The following NNT variants were observed in gnomAD, a reference collection of about 807,000 sequenced individuals.
The protein encoded by NNT is NAD(P) transhydrogenase, mitochondrial.
Under a neutral mutation model 104.8 loss-of-function variants are expected in NNT, and 50 were observed. That is an observed-to-expected ratio of 0.48 (90% confidence interval 0.38 to 0.60). NNT has a LOEUF of 0.60. Ranked by LOEUF, NNT falls within the 20% of genes least tolerant of loss-of-function variation. The probability of loss-of-function intolerance (pLI) is 0.00; values close to 1 mark genes in which losing one functional copy is unlikely to be tolerated. For synonymous variants in NNT, 461 were observed against 490.4 expected, an observed-to-expected ratio of 0.94 and a Z score of 0.79; for missense variants, 1,131 against 1,330.7, an observed-to-expected ratio of 0.85 and a Z score of 2.33.
chr5:43,661,700 G>A (rs1293122775), intron 17 of NNT, among the ~76,000 whole-genome samples: 3 of 151,352 alleles, frequency 2.0e-5, no homozygotes, highest in African/African-American at 7.3e-5. Context: ...TGAGAATGAT[G>A]ATTTCCAATT....
At chr5:43,648,150 T>TA in intron 10 of NNT, 1 of 1,139,016 alleles carries the variant, frequency 8.8e-7, no homozygotes, top group South Asian at 2.0e-5. Context: ...GTTAATGGGC[T>TA]ATGCACTGGA....
chr5:43,648,303 C>T (rs1271917702), intron 10 of NNT: 1 of 959,688 alleles, frequency 1.0e-6, no homozygotes, highest in Non-Finnish European at 1.3e-6. Flanking sequence ...GAAAAAGGTA[C>T]CTTATTCAGG....
At chr5:43,630,720 C>T (rs13188640) in intron 7 of NNT, among the ~76,000 whole-genome samples, 5,153 of 152,220 alleles carry the variant, frequency 0.034, 135 homozygotes, top group East Asian at 0.12. Context: ...AGAAACTGTC[C>T]ACCTTTTATA....
At chr5:43,703,024 T>A (rs947744730) in intron 21 of NNT, among the ~76,000 whole-genome samples, 5 of 152,154 alleles carry the variant, frequency 3.3e-5, no homozygotes, top group Non-Finnish European at 7.4e-5. Context: ...TTGTAATGAG[T>A]CTGGCTAAAT....
chr5:43,621,581 G>T (rs569955230), intron 5 of NNT, among the ~76,000 whole-genome samples: 5 of 151,506 alleles, frequency 3.3e-5, no homozygotes, highest in Non-Finnish European at 7.4e-5. Flanking sequence ...TTTTTTGGAG[G>T]CAGGGTCTCA....
Position 43,659,259 on chromosome 5 carries a change from C to G in NNT, c.2543C>G (p.Ala848Gly). 1 of 1,614,014 alleles carries G rather than the reference C, an allele frequency of 6.2e-7. No homozygotes were observed. The highest frequency in any genetic ancestry group is 2.2e-5 in the East Asian group (1 of 44,882). The change falls in exon 17 of 22, where the codon GCA becomes GGA. Residue 848 changes from alanine to glycine, a missense_variant. Ala to Gly is a moderately conservative substitution (Grantham distance 60). Transcript: ENST00000344920. ...AGCTACTCAGGCTGGGCCCTGTGTG[C>G]AGAGGGCTTCCTGCTCAACAACAAT... is the stretch of plus-strand genomic sequence containing the variant. The part of the protein sequence containing the change: ...LNSYSGWALC[A>G]EGFLLNNNLL...
intron 3 of NNT, among the ~76,000 whole-genome samples, chr5:43,613,959 C>T (rs1749642411): frequency 6.6e-6 from 1 of 152,074 alleles, no homozygotes; most frequent in South Asian, 2.1e-4. Flanking sequence ...GTGGTTTTTG[C>T]TAAAGTTACA....
At chr5:43,686,310 C>G (rs983784840) in intron 19 of NNT, among the ~76,000 whole-genome samples, 3 of 151,620 alleles carry the variant, frequency 2.0e-5, no homozygotes, top group Non-Finnish European at 4.4e-5. Flanking sequence ...ATCTGTCAAC[C>G]AAGGAAACAA....
chr5:43,675,428 C>T, intron 17 of NNT, 83 bp from the exon 18 acceptor site: 1 of 1,187,838 alleles, frequency 8.4e-7, no homozygotes, highest in South Asian at 2.1e-5. Context: ...AAAATGATTC[C>T]AAATATCATA....
At chr5:43,616,087 T>C (rs765027619) in intron 4 of NNT, 22 bp downstream of exon 4, 2 of 1,600,802 alleles carry the variant, frequency 1.2e-6, no homozygotes, top group East Asian at 2.2e-5. Context: ...TCCATTTCAA[T>C]TGAACAAAAG....
intron 19 of NNT, among the ~76,000 whole-genome samples, chr5:43,679,245 G>T (rs1364138305): frequency 1.3e-5 from 2 of 152,182 alleles, no homozygotes; most frequent in Admixed American, 6.5e-5. Flanking sequence ...TTCCTAAAAA[G>T]AAACTGTTTT....
intron 19 of NNT, among the ~76,000 whole-genome samples, chr5:43,687,688 G>A (rs1009230200): frequency 6.6e-6 from 1 of 152,176 alleles, no homozygotes; most frequent in Admixed American, 6.5e-5. Context: ...TACTGTGCAA[G>A]TAGATATAAA....
intron 20 of NNT, among the ~76,000 whole-genome samples, 162 bp from the exon 21 acceptor site, chr5:43,702,459 T>C (rs1224753532): frequency 1.3e-5 from 2 of 152,238 alleles, no homozygotes; most frequent in Non-Finnish European, 2.9e-5. Context: ...GCCGAGTTGC[T>C]TAACCTCTCT....
chr5:43,702,802 T>G (rs998266335), intron 21 of NNT, 66 bp downstream of exon 21: 5 of 1,141,692 alleles, frequency 4.4e-6, no homozygotes, highest in Admixed American at 4.3e-5. Context: ...ACACAGAACT[T>G]TCTTTGATCA....
At chr5:43,683,679 C>T (rs1410513017) in intron 19 of NNT, among the ~76,000 whole-genome samples, 3 of 152,194 alleles carry the variant, frequency 2.0e-5, no homozygotes, top group African/African-American at 7.2e-5. Flanking sequence ...TTAGCCATTG[C>T]ATTCCAGCAG....
chr5:43,628,070 G>A (rs1411585029), intron 6 of NNT, 130 bp from the exon 7 acceptor site: 11 of 636,856 alleles, frequency 1.7e-5, no homozygotes, highest in South Asian at 1.1e-4. Context: ...AATTAAGTAC[G>A]AAATCAAAGG....
chr5:43,656,754 C>G lies in NNT; in HGVS notation c.2395C>G (p.Pro799Ala). 1 of 1,614,088 alleles carries G rather than the reference C, an allele frequency of 6.2e-7. No individual in the cohort carries two copies. The highest frequency in any genetic ancestry group is 8.5e-7 in the Non-Finnish European group (1 of 1,180,006). ...CGGGATAATCCCATTCATGGTGGAC[C>G]CAAGCTTTACTACTGGCATCACCTG... ...VGGIIPFMVD[P>A]SFTTGITCLG... The change falls in exon 16 of 22, where the codon CCA becomes GCA. Residue 799 changes from proline (P) to alanine (A), a missense_variant. Pro to Ala is a conservative substitution (Grantham distance 27, BLOSUM62 -1). Transcript: ENST00000344920.
chr5:43,624,222 C>A, intron 6 of NNT, 102 bp downstream of exon 6: 2 of 952,564 alleles, frequency 2.1e-6, no homozygotes, highest in Non-Finnish European at 3.4e-6. Flanking sequence ...CACATTGCAA[C>A]TGGTCTATAA....
intron 17 of NNT, among the ~76,000 whole-genome samples, chr5:43,664,143 A>C (rs1740508751): frequency 6.6e-6 from 1 of 152,228 alleles, no homozygotes. Context: ...ATGGTTACAC[A>C]ATACCCAAGA....
Sources: gnomAD v4.1 joint callset for allele counts (sites outside exome capture counted in the v4.1 genomes callset) on GRCh38, gnomAD v4.1.1 for gene constraint, MANE v1.5 for transcripts, NCBI Gene and HGNC (gene_info 2026-07-23, HGNC 2026-07-21) for gene names.